Variants in ST18 observed in about 807,000 individuals in gnomAD.
ST18 encodes the protein ST18 C2H2C-type zinc finger transcription factor, also known as suppression of tumorigenicity 18 protein.
In ST18, 50 loss-of-function variants were observed where a neutral mutation model predicts 110.0. That is an observed-to-expected ratio of 0.45 (90% confidence interval 0.36 to 0.58). The LOEUF (loss-of-function observed/expected upper bound fraction) is 0.58. Ranked by LOEUF, ST18 falls within the 20% of genes least tolerant of loss-of-function variation. The probability of loss-of-function intolerance (pLI) is 0.00; values close to 1 mark genes in which losing one functional copy is unlikely to be tolerated. For synonymous variants in ST18, 461 were observed against 452.4 expected (o/e 1.02, Z -0.24); for missense variants, 1,306 against 1,280.1 (o/e 1.02, Z -0.31).
At chr8:52,399,716 C>T (rs1379647223) in intron 2 of ST18, among the ~76,000 whole-genome samples, 2 of 151,980 alleles carry the variant, frequency 1.3e-5, no homozygotes, top group African/African-American at 4.8e-5. Flanking sequence ...CATGTTTAAT[C>T]TCCACATATT....
chr8:52,256,976 C>T (rs1038640006), intron 2 of ST18, among the ~76,000 whole-genome samples: 3 of 152,176 alleles, frequency 2.0e-5, no homozygotes, highest in African/African-American at 7.2e-5. Context: ...TTCCCTCCCT[C>T]TCACCCAGGC....
chr8:52,346,458 A>T (rs961128473), intron 2 of ST18, among the ~76,000 whole-genome samples: 1 of 152,202 alleles, frequency 6.6e-6, no homozygotes, highest in Non-Finnish European at 1.5e-5. Context: ...AGAATTTCCC[A>T]TAGTGAAAGA....
Position 52,114,989 on chromosome 8 carries a change from G to C in ST18, c.3003+1286C>G, listed in dbSNP as rs950368775. The stretch of plus-strand genomic sequence containing the variant: ...AATGCATATTCAAAGTATGATTTAC[G>C]CAACATTCATAAATAACATTGCAAT... On this transcript the variant is annotated intron_variant, in intron 25 of 25. Coordinates refer to ENST00000689386, the MANE Select transcript of ST18 (RefSeq NM_001352837.2). 2.0e-5 allele frequency among the ~76,000 whole-genome samples: 3 copies of C among 152,242 alleles called. No homozygotes were observed. The South Asian group carries it at 6.2e-4, about 32-fold the overall frequency.
intron 2 of ST18, among the ~76,000 whole-genome samples, chr8:52,329,576 A>C (rs1408004907): frequency 6.6e-6 from 1 of 152,138 alleles, no homozygotes; most frequent in Non-Finnish European, 1.5e-5. Flanking sequence ...CCAACATGGC[A>C]AAACCCAGTC....
intron 2 of ST18, among the ~76,000 whole-genome samples, chr8:52,282,849 G>GA (rs1222406589): frequency 3.9e-5 from 6 of 152,116 alleles, no homozygotes. Context: ...CGGGGAGGAA[G>GA]ATGCAAGACC....
At chr8:52,255,727 G>C (rs1490740363) in intron 2 of ST18, among the ~76,000 whole-genome samples, 1 of 152,150 alleles carries the variant, frequency 6.6e-6, no homozygotes, top group Non-Finnish European at 1.5e-5. Flanking sequence ...ACATGAATAA[G>C]AATTTATTGC....
At chr8:52,326,642 G>C (rs956783195) in intron 2 of ST18, among the ~76,000 whole-genome samples, 2 of 152,164 alleles carry the variant, frequency 1.3e-5, no homozygotes, top group Admixed American at 6.5e-5. Context: ...AAGCTAGAAA[G>C]TGATAATCAT....
chr8:52,331,990 G>T (rs1447276261), intron 2 of ST18, among the ~76,000 whole-genome samples: 1 of 151,840 alleles, frequency 6.6e-6, no homozygotes, highest in African/African-American at 2.4e-5. Context: ...GTGTGAAAAA[G>T]TATATGTAAA....
At chr8:52,308,824 T>G (rs879742469) in intron 2 of ST18, among the ~76,000 whole-genome samples, 1 of 152,214 alleles carries the variant, frequency 6.6e-6, no homozygotes, top group African/African-American at 2.4e-5. Flanking sequence ...CCATATTTGC[T>G]GTCCAGGTGC....
intron 8 of ST18, chr8:52,194,736 G>A (rs1425975344): frequency 6.6e-6 from 1 of 152,224 alleles, no homozygotes; most frequent in Non-Finnish European, 1.5e-5. Context: ...GAGACAAGAA[G>A]TAAGCCAGCA....
intron 2 of ST18, among the ~76,000 whole-genome samples, chr8:52,329,215 A>T: frequency 7.6e-6 from 1 of 131,410 alleles, no homozygotes; most frequent in African/African-American, 3.0e-5. Context: ...CTATGCATGT[A>T]TTTATGTGTG....
At chr8:52,183,791 T>A (rs993319363) in intron 8 of ST18, among the ~76,000 whole-genome samples, 2 of 152,196 alleles carry the variant, frequency 1.3e-5, no homozygotes, top group Non-Finnish European at 2.9e-5. Flanking sequence ...ATTTACGCAA[T>A]GCATGTATGT....
At chr8:52,220,998 T>G (rs567307235) in intron 4 of ST18, 150 bp from the exon 5 acceptor site, 3 of 152,358 alleles carry the variant, frequency 2.0e-5, no homozygotes, top group African/African-American at 7.2e-5. Context: ...ATGACAATTT[T>G]TATACTATGT....
At chr8:52,353,705 T>C (rs1321610792) in intron 2 of ST18, among the ~76,000 whole-genome samples, 2 of 152,126 alleles carry the variant, frequency 1.3e-5, no homozygotes, top group African/African-American at 4.8e-5. Flanking sequence ...ACTAAAACTG[T>C]AAACAAATAA....
At chr8:52,201,038 C>T (rs1376339519) in intron 8 of ST18, 1 of 152,190 alleles carries the variant, frequency 6.6e-6, no homozygotes, top group Non-Finnish European at 1.5e-5. Flanking sequence ...AAAAGATCAC[C>T]ACCAAAGAGG....
intron 6 of ST18, 158 bp from the exon 7 acceptor site, chr8:52,214,415 C>A (rs537765975): frequency 1.3e-5 from 8 of 629,656 alleles, no homozygotes; most frequent in African/African-American, 3.7e-5. Context: ...TGACTCCCCC[C>A]ACATACCACC....
chr8:52,250,679 T>A (rs2138275839), intron 2 of ST18, among the ~76,000 whole-genome samples: 1 of 149,882 alleles, frequency 6.7e-6, no homozygotes, highest in South Asian at 2.1e-4. Flanking sequence ...AAAAAATTGC[T>A]AAAATGTACA....
At chr8:52,197,932 T>C (rs1452020956) in intron 8 of ST18, among the ~76,000 whole-genome samples, 3 of 151,516 alleles carry the variant, frequency 2.0e-5, no homozygotes, top group African/African-American at 7.3e-5. Flanking sequence ...ACTTCTTCAG[T>C]AATATGAGCA....
At chr8:52,354,930 T>C (rs547953987) in intron 2 of ST18, among the ~76,000 whole-genome samples, 195 of 152,310 alleles carry the variant, frequency 1.3e-3, no homozygotes, top group African/African-American at 4.4e-3. Context: ...TCAAAGACTG[T>C]TAAGATAAAA....
Sources: allele counts gnomAD v4.1 joint callset (sites outside exome capture counted in the v4.1 genomes callset), GRCh38; gene constraint gnomAD v4.1.1; transcripts MANE v1.5; gene names NCBI Gene and HGNC (gene_info 2026-07-23, HGNC 2026-07-21).